The following LRRC66 variants were observed in gnomAD, a reference collection of about 807,000 sequenced individuals.
The protein encoded by LRRC66 is leucine rich repeat containing 66, also known as leucine-rich repeat-containing protein 66.
In LRRC66, 29 loss-of-function variants were observed where a neutral mutation model predicts 24.6. The observed-to-expected ratio is 1.18, with a 90% CI of 0.88 to 1.61. LRRC66 has a LOEUF of 1.61. Among genes scored for constraint, LRRC66 ranks in the 40% most tolerant of loss-of-function variants. The pLI, the probability that LRRC66 is intolerant of heterozygous loss-of-function variation, is 0.00. For synonymous variants in LRRC66, 411 were observed against 397.6 expected, an observed-to-expected ratio of 1.03 and a Z score of -0.40; for missense variants, 1,124 against 1,058.0, an observed-to-expected ratio of 1.06 and a Z score of -0.87.
Position 52,003,364 on chromosome 4 carries a change from ACT to A in LRRC66, c.523_524del (p.Ser175PhefsTer15). The A allele has an allele frequency of 1.9e-6, 3 of 1,613,368 alleles. No homozygotes were observed. The highest frequency in any genetic ancestry group is 2.5e-6 in the Non-Finnish European group (3 of 1,179,806). Reference sequence around the variant, plus strand: ...ATATCCCATTGAATGACAGATCCAAACTCTGCAATGACTTCAGTTTCCACAGT... The same window carrying A: ...ATATCCCATTGAATGACAGATCCAAACTGCAATGACTTCAGTTTCCACAGT... ...KGLWKLKSLQ[S>X]LDLSFNGILQ... On this transcript the variant is annotated frameshift_variant, in exon 3 of 5. Coordinates refer to ENST00000682860, the MANE Select transcript of LRRC66 (RefSeq NM_001024611.3). LOFTEE classifies it high-confidence loss of function.
rs1293346754 is a variant in LRRC66 at position 52,003,324 on chromosome 4, A to G, written c.565T>C (p.Ser189Pro). The change falls in exon 3 of 5, where the codon TCT (serine) becomes CCT (proline). Residue 189 changes from serine to proline, a missense_variant. By Grantham distance (74) the Ser-to-Pro change is moderately conservative. Transcript: ENST00000682860. ...AGTTGCAGGCAGTTGTGAAAATCAG[A>G]CCACCCTATTTGCAATATCCCATTG... ...SFNGILQIGW[S>P]DFHNCLQLEN... is the part of the protein sequence containing the mutation. The G allele has an allele frequency of 1.2e-6, 2 of 1,613,832 alleles. No individual in the cohort carries two copies. The highest frequency in any genetic ancestry group is 2.2e-5 in the South Asian group (2 of 91,072).
chr4:52,004,831 C>T (rs756168481), intron 2 of LRRC66, among the ~76,000 whole-genome samples: 8 of 152,144 alleles, frequency 5.3e-5, no homozygotes, highest in Admixed American at 6.5e-5. Flanking sequence ...ATCGTCAGGA[C>T]GACGAATCAA....
chr4:52,004,026 A>C (rs1736516549), intron 2 of LRRC66, among the ~76,000 whole-genome samples: 1 of 151,996 alleles, frequency 6.6e-6, no homozygotes, highest in African/African-American at 2.4e-5. Context: ...TTTCTGAGAC[A>C]GAGTCTCGCT....
intron 4 of LRRC66, among the ~76,000 whole-genome samples, chr4:51,996,597 A>G (rs1560556833): frequency 6.6e-6 from 1 of 152,298 alleles, no homozygotes; most frequent in East Asian, 1.9e-4. Context: ...AGTCCTCCTC[A>G]GTCCTTATCT....
At position 52,017,323 on chromosome 4, in the gene LRRC66, T is replaced by A. The variant is rs768226684; in HGVS notation, c.291A>T (p.Ile97=). Residue 97 remains isoleucine, a synonymous_variant, in exon 2 of 5, where the codon ATA becomes ATT. Coordinates refer to ENST00000682860, the MANE Select transcript of LRRC66 (RefSeq NM_001024611.3). ...IKHLDLSNNL[I]SKITLSPFAY... ...CAAAAGGGCTTAAGGTTATTTTTGA[T>A]ATGAGATTGTTACTGAGGTCCAGAT... is the stretch of plus-strand genomic sequence containing the variant. 2 of 1,614,174 alleles carry A rather than the reference T, an allele frequency of 1.2e-6. No homozygotes were observed. Among genetic ancestry groups the A allele is most frequent in the Non-Finnish European group, 8.5e-7 (1 of 1,180,000 alleles).
intron 3 of LRRC66, among the ~76,000 whole-genome samples, chr4:51,998,959 A>C (rs1004687165): frequency 6.6e-6 from 1 of 152,142 alleles, no homozygotes; most frequent in African/African-American, 2.4e-5. Flanking sequence ...CTGTGTAAAC[A>C]ATAGAAAGGA....
At chr4:52,007,080 G>A (rs1459230566) in intron 2 of LRRC66, among the ~76,000 whole-genome samples, 2 of 152,196 alleles carry the variant, frequency 1.3e-5, no homozygotes, top group Non-Finnish European at 2.9e-5. Flanking sequence ...ATTGCCAGAT[G>A]TATTGGGAGT....
intron 2 of LRRC66, among the ~76,000 whole-genome samples, chr4:52,004,976 G>A (rs548566310): frequency 6.6e-6 from 1 of 152,210 alleles, no homozygotes; most frequent in South Asian, 2.1e-4. Context: ...ATACAGAGTA[G>A]TTCATCACAT....
At chr4:52,008,488 A>G (rs778688150) in intron 2 of LRRC66, among the ~76,000 whole-genome samples, 5 of 152,046 alleles carry the variant, frequency 3.3e-5, no homozygotes, top group African/African-American at 4.8e-5. Flanking sequence ...AGAAATTATA[A>G]AGGAAAATAT....
chr4:51,995,813 T>A lies in LRRC66; in HGVS notation c.1209A>T (p.Arg403Ser). 4 of 1,614,094 alleles carry A rather than the reference T, an allele frequency of 2.5e-6. No homozygotes were observed. Among genetic ancestry groups the A allele is most frequent in the Non-Finnish European group, 3.4e-6 (4 of 1,180,004 alleles). The change falls in exon 5 of 5, where the codon AGA (arginine) becomes AGT (serine). Residue 403 changes from arginine (R) to serine (S), a missense_variant. Arg to Ser is a moderately radical substitution (Grantham distance 110, BLOSUM62 -1). Coordinates refer to ENST00000682860, the MANE Select transcript of LRRC66 (RefSeq NM_001024611.3). ...TGCTCTGGCACTTTTTTTGCCACAG[T>A]CTGTCAACATAAGGCCTTGTGAAAG... The part of the protein sequence containing the change: ...LGAFTRPYVD[R>S]LWQKKCQSKS...
At chr4:52,003,426 CT>C (rs892480560) in intron 2 of LRRC66, 34 bp from the exon 3 acceptor site, 16 of 1,592,722 alleles carry the variant, frequency 1.0e-5, no homozygotes, top group Non-Finnish European at 1.3e-5. Context: ...GAAATCTAAA[CT>C]GGTAAAATTT....
intron 3 of LRRC66, among the ~76,000 whole-genome samples, chr4:52,000,500 C>T (rs974460425): frequency 1.3e-5 from 2 of 152,158 alleles, no homozygotes; most frequent in East Asian, 1.9e-4. Flanking sequence ...CAGGCAGGAC[C>T]AGTGATTTGT....
At chr4:52,005,889 A>G in intron 2 of LRRC66, among the ~76,000 whole-genome samples, 1 of 152,234 alleles carries the variant, frequency 6.6e-6, no homozygotes, top group Non-Finnish European at 1.5e-5. Flanking sequence ...AATATTTTGA[A>G]TATAACCTCT....
At position 51,994,991 on chromosome 4, in the gene LRRC66, C is replaced by T; in HGVS notation, c.2031G>A (p.Leu677=). Residue 677 remains leucine, a synonymous_variant, in exon 5 of 5, where the codon CTG becomes CTA. Coordinates refer to ENST00000682860, the MANE Select transcript of LRRC66 (RefSeq NM_001024611.3). ...GTTCCTTGTTAGCAGGAGTGACATC[C>T]AGGCCACTGTCCCATCTTGGAGGAA... is the stretch of plus-strand genomic sequence containing the variant. ...SVFPPRWDSG[L]DVTPANKEPV... 6.2e-7 allele frequency: 1 copy of T among 1,614,148 alleles called. No individual in the cohort carries two copies. The highest frequency in any genetic ancestry group is 8.5e-7 in the Non-Finnish European group (1 of 1,180,046).
intron 2 of LRRC66, among the ~76,000 whole-genome samples, chr4:52,015,899 T>C (rs1560562842): frequency 6.6e-6 from 1 of 152,156 alleles, no homozygotes; most frequent in Non-Finnish European, 1.5e-5. Flanking sequence ...TATGATCCAA[T>C]TTTGAAAGAA....
intron 2 of LRRC66, among the ~76,000 whole-genome samples, chr4:52,004,428 C>T (rs1374008970): frequency 6.6e-5 from 10 of 152,084 alleles, no homozygotes; most frequent in Non-Finnish European, 1.5e-4. Flanking sequence ...TTTTGTTTTC[C>T]AGGAAAATAA....
Position 51,995,087 on chromosome 4 carries a change from A to C in LRRC66, c.1935T>G (p.Ala645=), listed in dbSNP as rs183576325. The change falls in exon 5 of 5, where the codon GCT becomes GCG. Residue 645 remains alanine, a synonymous_variant. Transcript: ENST00000682860. ...TGTAGTGGGCTGAAAGCGCTTCCTCAGCCCTTGCCCCGGACAGCCTTGGCT... is the reference window on the plus strand; with the variant it reads ...TGTAGTGGGCTGAAAGCGCTTCCTCCGCCCTTGCCCCGGACAGCCTTGGCT... ...IQQPRLSGAR[A]EEALSAHYSE... The C allele has an allele frequency of 8.7e-6, 14 of 1,614,098 alleles. No individual in the cohort carries two copies. The highest frequency in any genetic ancestry group is 6.7e-5 in the Admixed American group (4 of 60,010).
chr4:51,997,784 T>C lies in LRRC66; in HGVS notation c.820A>G (p.Arg274Gly). Reference protein sequence around the residue: ...VFQNFISESWRKKWNVICNRS... With the variant: ...VFQNFISESWGKKWNVICNRS... Reference sequence around the variant, plus strand: ...TTGCAAATGACATTCCACTTTTTCCTCCAGGATTCAGAAATAAAATTTTGA... The same window carrying C: ...TTGCAAATGACATTCCACTTTTTCCCCCAGGATTCAGAAATAAAATTTTGA... The change falls in exon 4 of 5, where the codon AGG becomes GGG. Residue 274 changes from arginine (R) to glycine (G), a missense_variant. Physicochemically the swap from Arg to Gly is moderately radical, Grantham distance 125. Coordinates refer to ENST00000682860, the MANE Select transcript of LRRC66 (RefSeq NM_001024611.3). 6.2e-7 allele frequency: 1 copy of C among 1,614,054 alleles called. No homozygotes were observed. The highest frequency in any genetic ancestry group is 8.5e-7 in the Non-Finnish European group (1 of 1,179,948).
chr4:51,994,492 A>C lies in LRRC66; in HGVS notation c.2530T>G (p.Leu844Val). ...AAEWHCSLRD[L>V]EFSNVDVLQQ... Reference sequence around the variant, plus strand: ...AAAACGTCCACATTTGAAAATTCTAAGTCTCTAAGTGAGCAATGCCATTCT... The same window carrying C: ...AAAACGTCCACATTTGAAAATTCTACGTCTCTAAGTGAGCAATGCCATTCT... The change falls in exon 5 of 5, where the codon TTA becomes GTA. Residue 844 changes from leucine (L) to valine (V), a missense_variant. Physicochemically the swap from Leu to Val is conservative, Grantham distance 32 (BLOSUM62 1). Coordinates refer to ENST00000682860, the MANE Select transcript of LRRC66 (RefSeq NM_001024611.3). 5 of 1,614,234 alleles carry C rather than the reference A, an allele frequency of 3.1e-6. No homozygotes were observed. Among genetic ancestry groups the C allele is most frequent in the Non-Finnish European group, 3.4e-6 (4 of 1,180,042 alleles).
Sources: allele counts gnomAD v4.1 joint callset (sites outside exome capture counted in the v4.1 genomes callset), GRCh38; gene constraint gnomAD v4.1.1; transcripts MANE v1.5; gene names NCBI Gene and HGNC (gene_info 2026-07-23, HGNC 2026-07-21).